ANKS1B: variants seen among roughly 807,000 people sequenced by gnomAD.
ANKS1B encodes the protein ankyrin repeat and sterile alpha motif domain-containing protein 1B.
Under a neutral mutation model 148.3 loss-of-function variants are expected in ANKS1B, and 36 were observed. The ratio of observed to expected loss-of-function variants is 0.24; its 90% CI spans 0.19 to 0.32. The LOEUF (loss-of-function observed/expected upper bound fraction) is 0.32. Ranked by LOEUF, ANKS1B falls within the 10% of genes least tolerant of loss-of-function variation. ANKS1B has a pLI of 1.00. For synonymous variants in ANKS1B, 542 were observed against 560.8 expected (o/e 0.97, Z 0.47); for missense variants, 1,157 against 1,542.6 (o/e 0.75, Z 4.19).
intron 14 of ANKS1B, among the ~76,000 whole-genome samples, chr12:99,241,192 G>A (rs2089243491): frequency 6.6e-6 from 1 of 152,068 alleles, no homozygotes; most frequent in Non-Finnish European, 1.5e-5. Context: ...TCAAACAGAT[G>A]CAATAAAAAA....
intron 1 of ANKS1B, among the ~76,000 whole-genome samples, chr12:99,884,693 A>G (rs1235249290): frequency 6.6e-6 from 1 of 152,210 alleles, no homozygotes; most frequent in Non-Finnish European, 1.5e-5. Context: ...GGAAAAAGCA[A>G]AAAAACAGGG....
intron 9 of ANKS1B, among the ~76,000 whole-genome samples, chr12:99,628,359 T>C (rs1278901127): frequency 6.6e-6 from 1 of 152,140 alleles, no homozygotes; most frequent in African/African-American, 2.4e-5. Context: ...CTAATCTGGT[T>C]TCTGTTTCTA....
intron 25 of ANKS1B, among the ~76,000 whole-genome samples, chr12:98,761,371 A>T (rs946117521): frequency 2.0e-5 from 3 of 152,152 alleles, no homozygotes; most frequent in Non-Finnish European, 4.4e-5. Context: ...TTAAAATACT[A>T]TTTTCGGAAG....
At chr12:99,811,508 A>G (rs566427357) in intron 3 of ANKS1B, among the ~76,000 whole-genome samples, 2 of 152,088 alleles carry the variant, frequency 1.3e-5, no homozygotes, top group African/African-American at 4.8e-5. Context: ...CTATCTGTTT[A>G]GAATACTGAC....
At chr12:99,390,932 C>A (rs941341732) in intron 12 of ANKS1B, among the ~76,000 whole-genome samples, 2 of 152,176 alleles carry the variant, frequency 1.3e-5, no homozygotes, top group African/African-American at 4.8e-5. Context: ...TTTGCCAGTG[C>A]GAGGCGAGCT....
chr12:99,541,002 A>G (rs2097120528), intron 9 of ANKS1B, among the ~76,000 whole-genome samples: 1 of 152,152 alleles, frequency 6.6e-6, no homozygotes, highest in African/African-American at 2.4e-5. Flanking sequence ...AATACTATGA[A>G]TAACTCCATG....
intron 17 of ANKS1B, among the ~76,000 whole-genome samples, chr12:98,886,210 TGAA>T (rs2152565585): frequency 1.3e-5 from 2 of 152,096 alleles, no homozygotes; most frequent in South Asian, 4.2e-4. Flanking sequence ...GACAGAATAA[TGAA>T]GAAATCTGAA....
chr12:99,894,404 G>A (rs1259014649), intron 1 of ANKS1B, among the ~76,000 whole-genome samples: 1 of 151,004 alleles, frequency 6.6e-6, no homozygotes, highest in African/African-American at 2.4e-5. Flanking sequence ...AGCTACTCAG[G>A]AGGCTGAGAC....
At chr12:99,773,192 C>A in intron 7 of ANKS1B, 104 bp from the exon 8 acceptor site, 1 of 895,418 alleles carries the variant, frequency 1.1e-6, no homozygotes, top group Non-Finnish European at 1.7e-6. Context: ...CAAAATATAA[C>A]AAGATTAAGC....
At chr12:98,830,940 ATTTTTTTTTT>A (rs762642387) in intron 18 of ANKS1B, 10 of 45,528 alleles carry the variant, frequency 2.2e-4, no homozygotes, top group East Asian at 2.0e-3. Flanking sequence ...CTACCTCATA[ATTTTTTTTTT>A]TTTTTTTTTT....
chr12:98,746,132 A>G (rs1016159478), intron 26 of ANKS1B, among the ~76,000 whole-genome samples: 2 of 152,188 alleles, frequency 1.3e-5, no homozygotes, highest in African/African-American at 4.8e-5. Context: ...GAGGTGAGAT[A>G]CGAGGGGAAG....
intron 9 of ANKS1B, among the ~76,000 whole-genome samples, chr12:99,600,781 C>T (rs562308428): frequency 6.6e-6 from 1 of 152,170 alleles, no homozygotes; most frequent in Admixed American, 6.5e-5. Context: ...AGAAGGAATT[C>T]TACCTCCTTC....
At position 99,841,293 on chromosome 12, in the gene ANKS1B, T is replaced by G. The variant is rs2085707404; in HGVS notation, c.135-15904A>C. On this transcript the variant is annotated intron_variant, in intron 1 of 26. Coordinates refer to ENST00000683438, the MANE Select transcript of ANKS1B (RefSeq NM_001352186.2). ...TTATTTAGGATATCTTTCACGATGG[T>G]CATACAGCTTTTCCCTTTTAATACA... Among the ~76,000 whole-genome samples the G allele has an allele frequency of 1.3e-5, 2 of 152,196 alleles. 1 individual carries two copies. Among genetic ancestry groups the G allele is most frequent in the Non-Finnish European group, 2.9e-5 (2 of 67,980 alleles).
At chr12:98,797,098 G>A (rs570337465) in intron 22 of ANKS1B, among the ~76,000 whole-genome samples, 1 of 152,258 alleles carries the variant, frequency 6.6e-6, no homozygotes, top group South Asian at 2.1e-4. Context: ...ATTATTATGA[G>A]GCTTGATGAA....
chr12:99,691,382 T>G (rs1258348593), intron 8 of ANKS1B, among the ~76,000 whole-genome samples: 2 of 152,224 alleles, frequency 1.3e-5, no homozygotes, highest in Non-Finnish European at 2.9e-5. Context: ...GTTTTTCTTT[T>G]CTATTGCATT....
chr12:99,374,066 C>G (rs2093277139), intron 12 of ANKS1B, among the ~76,000 whole-genome samples: 1 of 152,160 alleles, frequency 6.6e-6, no homozygotes, highest in Non-Finnish European at 1.5e-5. Flanking sequence ...CTCAGTAACC[C>G]TGATCTAGCT....
At chr12:99,297,670 T>C (rs7316448) in intron 12 of ANKS1B, among the ~76,000 whole-genome samples, 50,431 of 152,030 alleles carry the variant, frequency 0.33, 10,121 homozygotes, top group African/African-American at 0.57. Context: ...TTTGTTCTAC[T>C]GTGGTCCTTA....
chr12:99,641,085 T>C (rs2098298895), intron 9 of ANKS1B, among the ~76,000 whole-genome samples: 1 of 152,200 alleles, frequency 6.6e-6, no homozygotes, highest in African/African-American at 2.4e-5. Flanking sequence ...ATTGCACATA[T>C]TAGAATGCAC....
At chr12:99,598,668 G>C (rs1051926929) in intron 9 of ANKS1B, among the ~76,000 whole-genome samples, 1 of 152,138 alleles carries the variant, frequency 6.6e-6, no homozygotes, top group African/African-American at 2.4e-5. Context: ...AAGTTTCACA[G>C]AGTGTGCTCT....
Sources: allele counts gnomAD v4.1 joint callset (sites outside exome capture counted in the v4.1 genomes callset), GRCh38; gene constraint gnomAD v4.1.1; transcripts MANE v1.5; gene names NCBI Gene and HGNC (gene_info 2026-07-23, HGNC 2026-07-21).